CERS4: variants seen among roughly 807,000 people sequenced by gnomAD.
CERS4 encodes the protein ceramide synthase 4, also known as LAG1 homolog, ceramide synthase 4.
In CERS4, 65 loss-of-function variants were observed where a neutral mutation model predicts 51.8. That is an observed-to-expected ratio of 1.26 (90% CI 1.03 to 1.54). CERS4 has a LOEUF of 1.54. CERS4 is among the 40% of genes most tolerant of loss of function. The pLI, the probability that CERS4 is intolerant of heterozygous loss-of-function variation, is 0.00. For synonymous variants in CERS4, 228 were observed against 208.4 expected, an observed-to-expected ratio of 1.09 and a Z score of -0.81; for missense variants, 563 against 500.4, an observed-to-expected ratio of 1.13 and a Z score of -1.19.
chr19:8,257,188 C>A, intron 9 of CERS4, 111 bp downstream of exon 9: 1 of 1,128,040 alleles, frequency 8.9e-7, no homozygotes, highest in Non-Finnish European at 1.3e-6. Context: ...GAGCCCCACC[C>A]CTCCTGTCTT....
At chr19:8,240,957 G>T (rs1968513632) in intron 2 of CERS4, among the ~76,000 whole-genome samples, 1 of 151,834 alleles carries the variant, frequency 6.6e-6, no homozygotes, top group African/African-American at 2.4e-5. Context: ...GGTGGCAGGG[G>T]CCAAGCTGGG....
chr19:8,212,313 G>A (rs552235168), intron 2 of CERS4, among the ~76,000 whole-genome samples: 30 of 152,276 alleles, frequency 2.0e-4, no homozygotes, highest in African/African-American at 6.7e-4. Flanking sequence ...AGGCGTGGAC[G>A]GGTGAGACTT....
In CERS4 at chr19:8,261,927, C is replaced by G. The variant is rs1306466430; in HGVS notation, c.1006-3C>G. 17 of 1,608,864 alleles carry G rather than the reference C, an allele frequency of 1.1e-5. No homozygotes were observed. Among genetic ancestry groups the G allele is most frequent in the Non-Finnish European group, 1.4e-5 (16 of 1,177,054 alleles). On this transcript the variant is annotated splice_region_variant and splice_polypyrimidine_tract_variant and intron_variant, in intron 11 of 11. Transcript: ENST00000251363. ...GAGCTCCATCCCTCTCTCTGTTCCCCAGATGGAGAAGGACATTCGTAGTGA... is the reference window on the plus strand; with the variant it reads ...GAGCTCCATCCCTCTCTCTGTTCCCGAGATGGAGAAGGACATTCGTAGTGA...
intron 2 of CERS4, among the ~76,000 whole-genome samples, chr19:8,217,745 G>A (rs1012776355): frequency 1.3e-5 from 2 of 152,068 alleles, no homozygotes; most frequent in African/African-American, 4.8e-5. Flanking sequence ...CACCCTGTTA[G>A]CCAGGATGGT....
chr19:8,235,296 C>T (rs573405980), intron 2 of CERS4, among the ~76,000 whole-genome samples: 4 of 151,310 alleles, frequency 2.6e-5, no homozygotes, highest in African/African-American at 2.4e-5. Flanking sequence ...CGTGAACGAC[C>T]GCACCTGGCA....
intron 10 of CERS4, among the ~76,000 whole-genome samples, chr19:8,258,484 G>C (rs184844644): frequency 2.0e-5 from 3 of 151,990 alleles, no homozygotes; most frequent in African/African-American, 7.2e-5. Flanking sequence ...TGAGGCGGGC[G>C]GGTCACTTGA....
intron 2 of CERS4, chr19:8,222,287 C>G (rs1237845330): frequency 1.3e-5 from 2 of 152,100 alleles, no homozygotes; most frequent in Non-Finnish European, 2.9e-5. Flanking sequence ...AAACGATTCT[C>G]CTGTCTCAGC....
intron 2 of CERS4, among the ~76,000 whole-genome samples, chr19:8,224,406 C>CAAA (rs34399032): frequency 9.6e-6 from 1 of 104,498 alleles, no homozygotes; most frequent in African/African-American, 3.5e-5. Context: ...GACTCCATCG[C>CAAA]AAAAAAAAAA....
intron 2 of CERS4, among the ~76,000 whole-genome samples, chr19:8,244,269 T>C (rs1053297904): frequency 2.6e-5 from 4 of 152,126 alleles, no homozygotes; most frequent in Non-Finnish European, 5.9e-5. Flanking sequence ...GGCAGGAAGA[T>C]GGCTTGAGCC....
intron 10 of CERS4, chr19:8,260,974 A>AAC (rs1969664902): frequency 6.6e-6 from 1 of 151,152 alleles, no homozygotes; most frequent in African/African-American, 2.5e-5. Context: ...AAAAAAAAAA[A>AAC]AAACAAGAAC....
chr19:8,258,601 T>C (rs560495458), intron 10 of CERS4, among the ~76,000 whole-genome samples: 3 of 151,986 alleles, frequency 2.0e-5, no homozygotes, highest in African/African-American at 7.2e-5. Context: ...TCCCAACACT[T>C]TGTGAGGCTG....
chr19:8,247,428 C>CT (rs1047117173), intron 2 of CERS4, among the ~76,000 whole-genome samples: 5 of 151,690 alleles, frequency 3.3e-5, no homozygotes, highest in East Asian at 1.9e-4. Flanking sequence ...ACCTTCTCAT[C>CT]TTTTTTTTTC....
chr19:8,257,865 G>A lies in CERS4; in HGVS notation c.742-14G>A. 6.2e-7 allele frequency: 1 copy of A among 1,607,736 alleles called. No homozygotes were observed. Among genetic ancestry groups the A allele is most frequent in the South Asian group, 1.1e-5 (1 of 90,984 alleles). On this transcript the variant is annotated splice_polypyrimidine_tract_variant and intron_variant, in intron 9 of 11. Coordinates refer to ENST00000251363, the MANE Select transcript of CERS4 (RefSeq NM_024552.3). ...CCTGGTCCTGAGCCCATTTCTCCCTGCTGCCCTTTCCAGGCCTGTAAGATG... is the reference window on the plus strand; with the variant it reads ...CCTGGTCCTGAGCCCATTTCTCCCTACTGCCCTTTCCAGGCCTGTAAGATG...
At chr19:8,255,358 A>C (rs907247685) in intron 4 of CERS4, among the ~76,000 whole-genome samples, 1 of 152,100 alleles carries the variant, frequency 6.6e-6, no homozygotes, top group Non-Finnish European at 1.5e-5. Context: ...GCACGCCAGC[A>C]TCTCTCTTAA....
intron 9 of CERS4, among the ~76,000 whole-genome samples, chr19:8,257,440 ATTT>A (rs34718857): frequency 6.0e-5 from 9 of 150,658 alleles, no homozygotes; most frequent in African/African-American, 2.2e-4. Flanking sequence ...ATGTATTCAC[ATTT>A]TTTTTTTTGA....
At chr19:8,238,037 TC>T (rs555893387) in intron 2 of CERS4, among the ~76,000 whole-genome samples, 6 of 150,766 alleles carry the variant, frequency 4.0e-5, no homozygotes, top group East Asian at 1.9e-4. Context: ...CAGATGGTAA[TC>T]CCCCCCCACA....
intron 2 of CERS4, among the ~76,000 whole-genome samples, chr19:8,250,345 G>A (rs1044288439): frequency 1.3e-5 from 2 of 152,178 alleles, no homozygotes; most frequent in African/African-American, 4.8e-5. Flanking sequence ...TCAGTTAAGT[G>A]CAGAGTAATA....
intron 3 of CERS4, among the ~76,000 whole-genome samples, chr19:8,252,767 G>T (rs1302233783): frequency 6.6e-6 from 1 of 152,102 alleles, no homozygotes; most frequent in African/African-American, 2.4e-5. Context: ...TAGAGACAAG[G>T]TCTCACCATG....
intron 9 of CERS4, 63 bp downstream of exon 9, chr19:8,257,140 A>T (rs898581958): frequency 5.5e-5 from 83 of 1,504,942 alleles, no homozygotes; most frequent in Non-Finnish European, 6.8e-5. Flanking sequence ...GGTGCCCCAG[A>T]GATGAGGTCC....
Sources: allele counts gnomAD v4.1 joint callset (sites outside exome capture counted in the v4.1 genomes callset), GRCh38; gene constraint gnomAD v4.1.1; transcripts MANE v1.5; gene names NCBI Gene and HGNC (gene_info 2026-07-23, HGNC 2026-07-21).